TBCD: variants seen among roughly 807,000 people sequenced by gnomAD.
TBCD encodes the protein tubulin folding cofactor D.
TBCD carries 105 observed loss-of-function variants against 169.3 expected under a neutral mutation model. The ratio of observed to expected loss-of-function variants is 0.62; its 90% CI spans 0.53 to 0.73. TBCD has a LOEUF of 0.73. Among genes scored for constraint, TBCD ranks in the 30% least tolerant of loss-of-function variants. TBCD has a pLI of 0.00. For synonymous variants in TBCD, 700 were observed against 643.9 expected (o/e 1.09, Z -1.32); for missense variants, 1,444 against 1,600.1 (o/e 0.90, Z 1.66).
chr17:82,836,170 C>T (rs1434951769), intron 13 of TBCD, among the ~76,000 whole-genome samples: 2 of 152,254 alleles, frequency 1.3e-5, no homozygotes, highest in East Asian at 3.8e-4. Flanking sequence ...GTGATGAAAG[C>T]AGTTTCCCTG....
intron 37 of TBCD, among the ~76,000 whole-genome samples, chr17:82,940,710 T>C (rs1052425298): frequency 8.5e-5 from 13 of 152,182 alleles, no homozygotes; most frequent in Admixed American, 5.2e-4. Context: ...GTTGAGAGAA[T>C]GGCCATCTTA....
At position 82,936,330 on chromosome 17, in the gene TBCD, C is replaced by T. The variant is rs143620884; in HGVS notation, c.3192-941C>T. On this transcript the variant is annotated intron_variant, in intron 34 of 38. Transcript: ENST00000355528. ...CTTTTCAGGTGTAGGTTTTTTGTCT[C>T]GCGTGTTTCCACGTCTGCTTGTAGC... 2.0e-5 allele frequency among the ~76,000 whole-genome samples: 3 copies of T among 152,338 alleles called. No individual in the cohort carries two copies. In the East Asian group the frequency reaches 5.8e-4, roughly 29 times the overall value.
chr17:82,931,026 C>G (rs1599661859), intron 33 of TBCD, among the ~76,000 whole-genome samples: 1 of 152,246 alleles, frequency 6.6e-6, no homozygotes, highest in African/African-American at 2.4e-5. Flanking sequence ...AGTGAGAGCT[C>G]TGTGTTCCTG....
chr17:82,791,330 A>G (rs2049714533), intron 7 of TBCD, among the ~76,000 whole-genome samples: 1 of 152,044 alleles, frequency 6.6e-6, no homozygotes, highest in Non-Finnish European at 1.5e-5. Context: ...TGACCTCGTG[A>G]TCTGCCTGCC....
intron 13 of TBCD, among the ~76,000 whole-genome samples, chr17:82,867,421 T>A (rs115396169): frequency 6.6e-6 from 1 of 152,140 alleles, no homozygotes; most frequent in African/African-American, 2.4e-5. Context: ...CCTGGAGTGG[T>A]GTTGCAGTGA....
intron 16 of TBCD, among the ~76,000 whole-genome samples, chr17:82,891,976 A>G (rs1033366877): frequency 4.6e-5 from 7 of 152,222 alleles, no homozygotes; most frequent in African/African-American, 1.7e-4. Context: ...AGTGCTGTCC[A>G]GGCCCCCGAC....
At chr17:82,758,397 A>AAT (rs1555672612) in intron 2 of TBCD, among the ~76,000 whole-genome samples, 9 of 127,422 alleles carry the variant, frequency 7.1e-5, no homozygotes, top group East Asian at 2.0e-4. Flanking sequence ...AAAAAAAAAA[A>AAT]AAAAAATAAA....
chr17:82,906,081 C>T (rs2060229861), intron 20 of TBCD, 28 bp downstream of exon 20: 1 of 1,528,278 alleles, frequency 6.5e-7, no homozygotes, highest in African/African-American at 1.4e-5. Flanking sequence ...CGAGGAGACA[C>T]AGGGCTCTGT....
At position 82,938,052 on chromosome 17, in the gene TBCD, C is replaced by T; in HGVS notation, c.3285C>T (p.Phe1095=). 7 of 1,613,088 alleles carry T rather than the reference C, an allele frequency of 4.3e-6. No homozygotes were observed. Among genetic ancestry groups the T allele is most frequent in the Non-Finnish European group, 5.9e-6 (7 of 1,179,778 alleles). The part of the protein sequence containing the change: ...IQKLLSGIAV[F]CEMVQFPGDV... ...AGCCATGTGCTGCTCCCGGCAGGTT[C>T]TGCGAGATGGTGCAGTTCCCCGGCG... The change falls in exon 36 of 39, where the codon TTC becomes TTT. Residue 1095 remains phenylalanine (F), a synonymous_variant. Transcript: ENST00000355528.
At chr17:82,907,710 G>C in intron 20 of TBCD, 51 bp from the exon 21 acceptor site, 1 of 1,603,008 alleles carries the variant, frequency 6.2e-7, no homozygotes, top group Non-Finnish European at 8.5e-7. Context: ...GTGTACTCGG[G>C]GTTAGGGTCT....
rs539103262 is a variant in TBCD at position 82,889,414 on chromosome 17, G to A, written c.1534-254G>A. Among the ~76,000 whole-genome samples, 3 of 152,322 alleles carry A rather than the reference G, an allele frequency of 2.0e-5. No individual in the cohort carries two copies. The highest frequency in any genetic ancestry group is 2.1e-4 in the South Asian group (1 of 4,828). ...GCCTCCGCGTGGGTGCTGCTGGGAG[G>A]CTCAGTGGTAAAGGCCACTTTTCAG... On this transcript the variant is annotated intron_variant, in intron 15 of 38. Transcript: ENST00000355528. The surrounding 1 kb of genome is among the most constrained non-coding windows in gnomAD (Gnocchi z 5.3).
chr17:82,857,129 T>C (rs1020010118), intron 13 of TBCD, among the ~76,000 whole-genome samples: 2 of 152,238 alleles, frequency 1.3e-5, no homozygotes, highest in East Asian at 1.9e-4. Flanking sequence ...ACCTGTGTTG[T>C]TCTTTTTTAA....
intron 13 of TBCD, among the ~76,000 whole-genome samples, chr17:82,837,744 C>G (rs1014375975): frequency 1.3e-5 from 2 of 152,226 alleles, no homozygotes; most frequent in Non-Finnish European, 1.5e-5. Flanking sequence ...TCAAAGGTGG[C>G]TGTTGCTGAA....
Position 82,930,433 on chromosome 17 carries a change from T to C in TBCD, c.2992-89T>C. ...TCTGCAGCTCGGAGCAGTTCTGCTCTTCAGCAGATGCTTGACCGGCTGTAG... is the reference window on the plus strand; with the variant it reads ...TCTGCAGCTCGGAGCAGTTCTGCTCCTCAGCAGATGCTTGACCGGCTGTAG... On this transcript the variant is annotated intron_variant, in intron 32 of 38. Coordinates refer to ENST00000355528, the MANE Select transcript of TBCD (RefSeq NM_005993.5). This position sits in a 1 kb window ranked among gnomAD's most constrained non-coding sequence, Gnocchi z 5.2. 1 of 1,526,988 alleles carries C rather than the reference T, an allele frequency of 6.5e-7. No homozygotes were observed. Among genetic ancestry groups the C allele is most frequent in the South Asian group, 1.2e-5 (1 of 81,208 alleles). The allele number at this position is 1,526,988 out of a possible 1,614,324, so 94.6% of individuals were successfully genotyped here.
At position 82,897,006 on chromosome 17, in the gene TBCD, C is replaced by T. The variant is rs184678080; in HGVS notation, c.1649+3374C>T. Among the ~76,000 whole-genome samples the T allele has an allele frequency of 3.7e-3, 565 of 152,214 alleles. 8 individuals carry two copies. Among genetic ancestry groups the T allele is most frequent in the African/African-American group, 0.013 (542 of 41,508 alleles). ...ACTCGTGTTCTAGTGACTGATGATG[C>T]AGTTTCAGTCATCATCCATTTCAGG... is the stretch of plus-strand genomic sequence containing the variant. On this transcript the variant is annotated intron_variant, in intron 17 of 38. Transcript: ENST00000355528.
At chr17:82,859,453 T>C in intron 13 of TBCD, 1 of 748,602 alleles carries the variant, frequency 1.3e-6, no homozygotes, top group African/African-American at 1.9e-5. Context: ...TCGTGGGTCG[T>C]CTGGCCTGCC....
rs957331597 is a variant in TBCD, at chr17:82,928,154, T to C, written c.2693+166T>C. ...CTGACCCCAGGTTTGTGCAGGCCCCTCCTCCTGCCCCCATAGCCATGGCGT... is the reference window on the plus strand; with the variant it reads ...CTGACCCCAGGTTTGTGCAGGCCCCCCCTCCTGCCCCCATAGCCATGGCGT... On this transcript the variant is annotated intron_variant, in intron 30 of 38. Transcript: ENST00000355528. Among the ~76,000 whole-genome samples the C allele has an allele frequency of 2.6e-5, 4 of 152,110 alleles. No individual in the cohort carries two copies. The South Asian group carries it at 8.3e-4, about 32-fold the overall frequency.
chr17:82,939,092 A>C, intron 36 of TBCD: 4 of 527,104 alleles, frequency 7.6e-6, no homozygotes, highest in Admixed American at 6.6e-5. Context: ...GTGAGGGAGC[A>C]GGTTGGTTAA....
chr17:82,941,430 C>T lies in TBCD; in HGVS notation c.3511C>T (p.Arg1171Cys), dbSNP rs1265837740. Residue 1171 changes from arginine to cysteine, a missense_variant, in exon 38 of 39, where the codon CGC (arginine) becomes TGC (cysteine). By Grantham distance (180) the Arg-to-Cys change is radical. Transcript: ENST00000355528. ...GGAGCTTGCAGTGGTGAGAGAGCAG[C>T]GCAACCGTCTGTGTGACCTTCTGGG... Reference protein sequence around the residue: ...DAELAVVREQRNRLCDLLGVP... With the variant: ...DAELAVVREQCNRLCDLLGVP... The T allele has an allele frequency of 4.4e-6, 7 of 1,601,626 alleles. No individual in the cohort carries two copies. The highest frequency in any genetic ancestry group is 1.7e-5 in the Admixed American group (1 of 59,264).
Sources: allele counts gnomAD v4.1 joint callset (sites outside exome capture counted in the v4.1 genomes callset), GRCh38; gene constraint gnomAD v4.1.1; non-coding constraint Gnocchi (gnomAD v3.1); transcripts MANE v1.5; gene names NCBI Gene and HGNC (gene_info 2026-07-23, HGNC 2026-07-21).